Variants in PTPRM observed in about 807,000 individuals in gnomAD.
PTPRM encodes the protein protein tyrosine phosphatase receptor type M, also known as receptor-type tyrosine-protein phosphatase mu.
In PTPRM, 47 loss-of-function variants were observed where a neutral mutation model predicts 186.7. The ratio of observed to expected loss-of-function variants is 0.25; its 90% confidence interval spans 0.20 to 0.32. The LOEUF (loss-of-function observed/expected upper bound fraction) is 0.32. Among genes scored for constraint, PTPRM ranks in the 10% least tolerant of loss-of-function variants. The probability of loss-of-function intolerance (pLI) is 1.00; values close to 1 mark genes in which losing one functional copy is unlikely to be tolerated. For synonymous variants in PTPRM, 668 were observed against 674.9 expected (o/e 0.99, Z 0.16); for missense variants, 1,494 against 1,865.0 (o/e 0.80, Z 3.66).
At chr18:8,210,227 A>G (rs950339776) in intron 14 of PTPRM, among the ~76,000 whole-genome samples, 4 of 151,998 alleles carry the variant, frequency 2.6e-5, no homozygotes, top group Non-Finnish European at 4.4e-5. Flanking sequence ...ACGAGAATCT[A>G]TTGAACCCGG....
chr18:8,313,277 C>T (rs1410068409), intron 20 of PTPRM, among the ~76,000 whole-genome samples: 1 of 152,198 alleles, frequency 6.6e-6, no homozygotes, highest in Non-Finnish European at 1.5e-5. Context: ...ATGTTCTTAT[C>T]AGGCCCCCCT....
intron 1 of PTPRM, among the ~76,000 whole-genome samples, chr18:7,759,541 A>C (rs1256202857): frequency 2.0e-5 from 3 of 152,340 alleles, no homozygotes; most frequent in African/African-American, 7.2e-5. Flanking sequence ...CATATTATGA[A>C]GTCATTGAAT....
At chr18:8,376,635 C>A in intron 26 of PTPRM, 38 bp downstream of exon 26, 1 of 1,587,270 alleles carries the variant, frequency 6.3e-7, no homozygotes, top group South Asian at 1.1e-5. Flanking sequence ...GCCTTGGTCC[C>A]TGGGCTCCCT....
intron 14 of PTPRM, 44 bp from the exon 15 acceptor site, chr18:8,244,014 C>G: frequency 6.4e-7 from 1 of 1,564,770 alleles, no homozygotes; most frequent in East Asian, 2.3e-5. Flanking sequence ...AGCTCTGTAT[C>G]CCGTTCAAAT....
chr18:7,603,525 T>G (rs1367541087), intron 1 of PTPRM, among the ~76,000 whole-genome samples: 4 of 152,228 alleles, frequency 2.6e-5, no homozygotes, highest in African/African-American at 7.2e-5. Context: ...AGGCCAGATG[T>G]GCTCCATGGG....
intron 23 of PTPRM, among the ~76,000 whole-genome samples, chr18:8,346,619 C>T (rs754572038): frequency 3.9e-5 from 6 of 152,072 alleles, no homozygotes; most frequent in Non-Finnish European, 5.9e-5. Flanking sequence ...ATGGGGTTCT[C>T]GTAAAGATTC....
intron 2 of PTPRM, among the ~76,000 whole-genome samples, chr18:7,812,543 A>G (rs761522055): frequency 3.3e-5 from 5 of 152,146 alleles, no homozygotes; most frequent in Non-Finnish European, 4.4e-5. Flanking sequence ...TCCTGCAGCT[A>G]TTTATAAAAA....
chr18:7,717,895 T>C (rs1180077413), intron 1 of PTPRM, among the ~76,000 whole-genome samples: 1 of 152,154 alleles, frequency 6.6e-6, no homozygotes, highest in Admixed American at 6.5e-5. Context: ...CCCTTTCCAG[T>C]GCTTGTTGAC....
chr18:7,817,829 GCTGT>G (rs1441485083), intron 2 of PTPRM, among the ~76,000 whole-genome samples: 1 of 152,186 alleles, frequency 6.6e-6, no homozygotes, highest in South Asian at 2.1e-4. Context: ...GTTCCTGTGT[GCTGT>G]CTTAGTCTGA....
In PTPRM at chr18:7,649,447, A is replaced by T. The variant is rs369265223; in HGVS notation, c.73+81556A>T. Among the ~76,000 whole-genome samples, 7 of 152,348 alleles carry T rather than the reference A, an allele frequency of 4.6e-5. No individual in the cohort carries two copies. In the East Asian group the frequency reaches 1.2e-3, roughly 25 times the overall value. On this transcript the variant is annotated intron_variant, in intron 1 of 32. Transcript: ENST00000580170. The stretch of plus-strand genomic sequence containing the variant: ...AGTTATTTCTCTGATTGATCTGGGC[A>T]AAGTAAATGGAAAACCTCCTGGAAA...
chr18:7,956,370 G>T (rs573394578), intron 7 of PTPRM, among the ~76,000 whole-genome samples: 4 of 152,018 alleles, frequency 2.6e-5, no homozygotes, highest in African/African-American at 9.7e-5. Context: ...CATTGTAGCT[G>T]GTTTTTAAAT....
chr18:7,647,686 G>T (rs1255769443), intron 1 of PTPRM, among the ~76,000 whole-genome samples: 1 of 152,198 alleles, frequency 6.6e-6, no homozygotes, highest in African/African-American at 2.4e-5. Context: ...AATCTGGCAC[G>T]TGGTGATTAA....
intron 1 of PTPRM, among the ~76,000 whole-genome samples, chr18:7,591,437 T>C (rs944583253): frequency 1.3e-5 from 2 of 152,012 alleles, no homozygotes; most frequent in African/African-American, 4.8e-5. Flanking sequence ...CTAATTGATA[T>C]CCCTAAGTCC....
At chr18:7,602,905 A>AATTATTATTATTATTATT (rs71354561) in intron 1 of PTPRM, among the ~76,000 whole-genome samples, 201 of 141,708 alleles carry the variant, frequency 1.4e-3, no homozygotes, top group Middle Eastern at 0.011. Flanking sequence ...ATGTATTTGG[A>AATTATTATTATTATTATT]ATTATTATTA....
At chr18:8,240,828 A>AGAGAGAGAGAGAGAG (rs879710754) in intron 14 of PTPRM, among the ~76,000 whole-genome samples, 8 of 31,308 alleles carry the variant, frequency 2.6e-4, no homozygotes, top group East Asian at 7.8e-4. Flanking sequence ...GAGAGAGAGA[A>AGAGAGAGAGAGAGAG]AGAAAGAAAG....
chr18:7,848,731 C>T (rs539992051), intron 2 of PTPRM, among the ~76,000 whole-genome samples: 1 of 152,130 alleles, frequency 6.6e-6, no homozygotes, highest in Non-Finnish European at 1.5e-5. Flanking sequence ...CCACTGTACT[C>T]CAGCCTGTGT....
intron 7 of PTPRM, among the ~76,000 whole-genome samples, chr18:8,028,050 A>G (rs996483102): frequency 3.3e-5 from 5 of 152,052 alleles, no homozygotes; most frequent in African/African-American, 7.2e-5. Flanking sequence ...CACCCAGGCT[A>G]GAGTGCAATG....
At chr18:8,167,869 G>A (rs1321447079) in intron 14 of PTPRM, among the ~76,000 whole-genome samples, 1 of 152,206 alleles carries the variant, frequency 6.6e-6, no homozygotes, top group Admixed American at 6.5e-5. Flanking sequence ...CTGATGCTGA[G>A]ATAAGTATTA....
At chr18:7,834,992 C>CTTTTTTTTTTTTTTTTTTTTTTTTTTTGT (rs57839485) in intron 2 of PTPRM, among the ~76,000 whole-genome samples, 2 of 85,268 alleles carry the variant, frequency 2.3e-5, no homozygotes, top group Non-Finnish European at 4.6e-5. Context: ...TTATTTGGAT[C>CTTTTTTTTTTTTTTTTTTTTTTTTTTTGT]TTTTTTTTTT....
Sources: allele counts gnomAD v4.1 joint callset (sites outside exome capture counted in the v4.1 genomes callset), GRCh38; gene constraint gnomAD v4.1.1; transcripts MANE v1.5; gene names NCBI Gene and HGNC (gene_info 2026-07-23, HGNC 2026-07-21).